HMGB1: variants seen among roughly 807,000 people sequenced by gnomAD.
The protein encoded by HMGB1 is high mobility group box 1, also known as high mobility group protein B1.
For synonymous variants in HMGB1, 81 were observed against 84.0 expected (o/e 0.96, Z 0.19); for missense variants, 79 against 253.5 (o/e 0.31, Z 4.67).
chr13:30,492,903 A>G (rs1887529562), intron 1 of HMGB1, among the ~76,000 whole-genome samples: 1 of 144,776 alleles, frequency 6.9e-6, no homozygotes. Flanking sequence ...AGGCAGGAGA[A>G]TTGCTTGAAC....
At chr13:30,540,219 A>G (rs191567530) in intron 1 of HMGB1, 1 of 193,676 alleles carries the variant, frequency 5.2e-6, no homozygotes, top group East Asian at 1.2e-4. Context: ...CAAGGGGATC[A>G]TCCAGATCTG....
At chr13:30,530,488 C>T (rs940109926) in intron 1 of HMGB1, among the ~76,000 whole-genome samples, 2 of 152,130 alleles carry the variant, frequency 1.3e-5, no homozygotes, top group Non-Finnish European at 2.9e-5. Context: ...AACAATTATC[C>T]ACATGGATAC....
intron 1 of HMGB1, among the ~76,000 whole-genome samples, chr13:30,600,876 A>C (rs1950391468): frequency 6.6e-6 from 1 of 152,230 alleles, no homozygotes; most frequent in South Asian, 2.1e-4. Flanking sequence ...AACATCTCAG[A>C]GCTTGTTGAT....
At chr13:30,494,448 G>A (rs994146007) in intron 1 of HMGB1, among the ~76,000 whole-genome samples, 4 of 149,938 alleles carry the variant, frequency 2.7e-5, no homozygotes, top group Non-Finnish European at 4.4e-5. Flanking sequence ...TGCAACCTCC[G>A]CCTCCTAGGT....
intron 1 of HMGB1, among the ~76,000 whole-genome samples, chr13:30,522,508 G>A (rs998233841): frequency 3.9e-5 from 6 of 152,146 alleles, no homozygotes; most frequent in Admixed American, 3.9e-4. Flanking sequence ...CAAGAGTGAT[G>A]ACGAATTAGA....
intron 1 of HMGB1, among the ~76,000 whole-genome samples, chr13:30,499,774 TTA>T (rs1389401315): frequency 2.6e-5 from 4 of 152,190 alleles, no homozygotes; most frequent in African/African-American, 9.7e-5. Flanking sequence ...ATTTAAATAA[TTA>T]TGTGACTTTG....
At chr13:30,467,219 C>CT (rs41369348), upstream of HMGB1, among the ~76,000 whole-genome samples, 2 of 152,030 alleles carry the variant, frequency 1.3e-5, no homozygotes, top group South Asian at 2.1e-4. Context: ...ACAGACTTCC[C>CT]TTTTTTTTCA....
chr13:30,469,681 A>G (rs1416948713), upstream of HMGB1, among the ~76,000 whole-genome samples: 2 of 57,422 alleles, frequency 3.5e-5, 1 homozygote, highest in Non-Finnish European at 1.1e-4. Flanking sequence ...ACCAGGCTGG[A>G]GTGCAGTGGC....
chr13:30,509,119 T>C (rs1887933948), intron 1 of HMGB1, among the ~76,000 whole-genome samples: 1 of 152,122 alleles, frequency 6.6e-6, no homozygotes, highest in Admixed American at 6.6e-5. Context: ...TGCTTTTTTG[T>C]AGAGATGGGG....
intron 1 of HMGB1, among the ~76,000 whole-genome samples, chr13:30,549,772 A>G (rs1869337940): frequency 6.6e-6 from 1 of 150,694 alleles, no homozygotes; most frequent in Admixed American, 6.6e-5. Context: ...GCTGGAATGC[A>G]GTGGCATGAT....
chr13:30,538,787 T>TTTTCTTTC (rs1868714646), intron 1 of HMGB1, among the ~76,000 whole-genome samples: 1 of 135,700 alleles, frequency 7.4e-6, no homozygotes, highest in African/African-American at 2.9e-5. Context: ...CCTTCTTTCT[T>TTTTCTTTC]TTTCTTTCTT....
Position 30,588,177 on chromosome 13 carries a change from A to AAAT in HMGB1, c.-15+28491_-15+28493dup, listed in dbSNP as rs200292808. On this transcript the variant is annotated intron_variant, in intron 1 of 4. Coordinates refer to the HMGB1 transcript ENST00000405805. Reference sequence around the variant, plus strand: ...TATTCTTAGAAAATAACATTAACACAAATAGAAAACAAGAAACCATAATGT... The same window carrying AAAT: ...TATTCTTAGAAAATAACATTAACACAAATAATAGAAAACAAGAAACCATAATGT... 3.6e-3 allele frequency among the ~76,000 whole-genome samples: 542 copies of AAAT among 152,374 alleles called. 2 individuals carry two copies. Among genetic ancestry groups the AAAT allele is most frequent in the African/African-American group, 0.011 (460 of 41,596 alleles).
intron 1 of HMGB1, among the ~76,000 whole-genome samples, chr13:30,596,943 C>CAA (rs1237701716): frequency 2.0e-5 from 3 of 152,178 alleles, no homozygotes; most frequent in African/African-American, 4.8e-5. Flanking sequence ...TGTAGGTGAA[C>CAA]AAATACTGGG....
rs141527421 is a variant in HMGB1 at position 30,595,528 on chromosome 13, C to G, written c.-15+21143G>C. ...AAGGTTGTATTTTTATCTATTGCTG[C>G]GTAGCATATTTCCTTAACTTTAGTA... On this transcript the variant is annotated intron_variant, in intron 1 of 4. Coordinates refer to the HMGB1 transcript ENST00000405805. 6.8e-4 allele frequency among the ~76,000 whole-genome samples: 103 copies of G among 152,254 alleles called. 1 individual carries two copies. Among genetic ancestry groups the G allele is most frequent in the African/African-American group, 2.3e-3 (94 of 41,540 alleles).
intron 1 of HMGB1, among the ~76,000 whole-genome samples, chr13:30,527,021 C>A (rs1442301124): frequency 6.6e-6 from 1 of 152,226 alleles, no homozygotes; most frequent in African/African-American, 2.4e-5. Flanking sequence ...GGCTCCTTGG[C>A]CAGGAGGAGC....
chr13:30,537,198 A>G, intron 1 of HMGB1, among the ~76,000 whole-genome samples: 1 of 152,154 alleles, frequency 6.6e-6, no homozygotes, highest in East Asian at 1.9e-4. Flanking sequence ...AATACTTTTA[A>G]GAAGTCTTAA....
At position 30,534,038 on chromosome 13, in the gene HMGB1, A is replaced by AT. The variant is rs1187749315; in HGVS notation, c.-14-70345dup. Among the ~76,000 whole-genome samples the AT allele has an allele frequency of 7.2e-5, 11 of 152,060 alleles. No homozygotes were observed. The East Asian group carries it at 2.1e-3, about 29-fold the overall frequency. On this transcript the variant is annotated intron_variant, in intron 1 of 4. Transcript: ENST00000405805. The stretch of plus-strand genomic sequence containing the variant: ...CACCACCACACCCGGCTAATTTTGT[A>AT]TTTTTAGTGGAGACAGGGTTTCTCC...
intron 1 of HMGB1, among the ~76,000 whole-genome samples, chr13:30,561,615 G>A (rs1330870423): frequency 6.6e-6 from 1 of 152,192 alleles, no homozygotes; most frequent in Non-Finnish European, 1.5e-5. Flanking sequence ...GTTGAAGACT[G>A]AGGAGAGAGA....
chr13:30,483,617 C>CTTTTTTT (rs61395953), intron 1 of HMGB1, among the ~76,000 whole-genome samples: 6 of 135,888 alleles, frequency 4.4e-5, no homozygotes, highest in South Asian at 2.4e-4. Flanking sequence ...GTGCAAATTT[C>CTTTTTTT]TTTTTTTTTT....
Sources: allele counts gnomAD v4.1 joint callset (sites outside exome capture counted in the v4.1 genomes callset), GRCh38; gene constraint gnomAD v4.1.1; transcripts MANE v1.5; gene names NCBI Gene and HGNC (gene_info 2026-07-23, HGNC 2026-07-21).